Variants in TMEM178B observed in about 807,000 individuals in gnomAD.
TMEM178B encodes transmembrane protein 178B.
In TMEM178B, 5 loss-of-function variants were observed where a neutral mutation model predicts 31.0. That is an observed-to-expected ratio of 0.16 (90% CI 0.08 to 0.34). The LOEUF is 0.34. TMEM178B is among the 10% of genes least tolerant of loss of function. The pLI is 1.00. For synonymous variants in TMEM178B, 164 were observed against 164.0 expected (o/e 1.00, Z 0.00); for missense variants, 275 against 400.3 (o/e 0.69, Z 2.67).
chr7:141,296,316 C>T (rs1798632607), intron 2 of TMEM178B, among the ~76,000 whole-genome samples: 1 of 152,178 alleles, frequency 6.6e-6, no homozygotes, highest in South Asian at 2.1e-4. Context: ...GATCCACCTG[C>T]CTCAGCCTCC....
intron 1 of TMEM178B, among the ~76,000 whole-genome samples, chr7:141,164,908 G>T (rs1223589610): frequency 6.6e-6 from 1 of 152,112 alleles, no homozygotes; most frequent in Admixed American, 6.5e-5. Context: ...TGGGGTTCCA[G>T]CATCACCATC....
chr7:141,106,531 C>T (rs1013474288), intron 1 of TMEM178B, among the ~76,000 whole-genome samples: 7 of 152,130 alleles, frequency 4.6e-5, no homozygotes, highest in Admixed American at 6.5e-5. Context: ...AGTAGGTTGA[C>T]GGGTTGTGAG....
chr7:141,369,765 G>A (rs879766694), intron 2 of TMEM178B, among the ~76,000 whole-genome samples: 6 of 152,218 alleles, frequency 3.9e-5, no homozygotes, highest in Non-Finnish European at 7.3e-5. Flanking sequence ...CCCTGGAGCC[G>A]GGATTACTTC....
At chr7:141,187,786 GTTGT>G (rs1311331158) in intron 1 of TMEM178B, among the ~76,000 whole-genome samples, 47 of 152,254 alleles carry the variant, frequency 3.1e-4, no homozygotes, top group Admixed American at 1.6e-3. Context: ...TTTTGATGGG[GTTGT>G]TTGTTTTTTT....
intron 2 of TMEM178B, among the ~76,000 whole-genome samples, chr7:141,362,138 A>G (rs1799927503): frequency 6.6e-6 from 1 of 152,206 alleles, no homozygotes; most frequent in Non-Finnish European, 1.5e-5. Context: ...CATGGCAGAG[A>G]ATTCTGGAGG....
chr7:141,172,050 C>T (rs1366236449), intron 1 of TMEM178B, among the ~76,000 whole-genome samples: 1 of 152,178 alleles, frequency 6.6e-6, no homozygotes, highest in African/African-American at 2.4e-5. Flanking sequence ...GTATTCCTTT[C>T]ACGGATGCTG....
chr7:141,354,739 T>C (rs544551823), intron 2 of TMEM178B, among the ~76,000 whole-genome samples: 1 of 152,292 alleles, frequency 6.6e-6, no homozygotes, highest in South Asian at 2.1e-4. Context: ...TTCCTATTTG[T>C]TCACTCCCTT....
intron 2 of TMEM178B, among the ~76,000 whole-genome samples, chr7:141,432,530 G>A (rs1156717989): frequency 6.6e-6 from 1 of 152,070 alleles, no homozygotes; most frequent in Non-Finnish European, 1.5e-5. Context: ...GAACATGGCA[G>A]GACTATTAAT....
chr7:141,124,006 C>T (rs568999445), intron 1 of TMEM178B, among the ~76,000 whole-genome samples: 26 of 152,234 alleles, frequency 1.7e-4, no homozygotes, highest in African/African-American at 3.6e-4. Context: ...CTGCCCTCAT[C>T]GGCCTCCCAA....
intron 2 of TMEM178B, among the ~76,000 whole-genome samples, chr7:141,341,754 G>GAA (rs75639509): frequency 6.8e-6 from 1 of 146,712 alleles, no homozygotes; most frequent in East Asian, 2.0e-4. Context: ...CTTTTAACTA[G>GAA]AAAAAAAAAA....
At chr7:141,407,220 C>T (rs906228129) in intron 2 of TMEM178B, among the ~76,000 whole-genome samples, 8 of 152,190 alleles carry the variant, frequency 5.3e-5, no homozygotes, top group South Asian at 2.1e-4. Context: ...GAGCTGTTGA[C>T]GCTCTGTGCT....
At chr7:141,507,639 G>A in the TMEM178B span, among the ~76,000 whole-genome samples, 1 of 152,330 alleles carries the variant, frequency 6.6e-6, no homozygotes, top group South Asian at 2.1e-4. Flanking sequence ...CCAAAGTGCT[G>A]GGATTACAGG....
intron 2 of TMEM178B, among the ~76,000 whole-genome samples, chr7:141,272,884 A>G (rs1279731492): frequency 6.6e-6 from 1 of 152,208 alleles, no homozygotes; most frequent in Non-Finnish European, 1.5e-5. Flanking sequence ...TATCTAAAGG[A>G]ACTGAAATTA....
At chr7:141,144,781 G>A (rs963634418) in intron 1 of TMEM178B, among the ~76,000 whole-genome samples, 3 of 152,132 alleles carry the variant, frequency 2.0e-5, no homozygotes, top group Admixed American at 1.3e-4. Context: ...AGTTCAAGGT[G>A]GGAGCAAGAG....
At chr7:141,166,683 C>T (rs1460382943) in intron 1 of TMEM178B, among the ~76,000 whole-genome samples, 2 of 152,218 alleles carry the variant, frequency 1.3e-5, no homozygotes, top group Admixed American at 1.3e-4. Context: ...GTATCAGGTG[C>T]TCCTTTTTAG....
intron 1 of TMEM178B, among the ~76,000 whole-genome samples, chr7:141,205,024 C>T (rs1360053623): frequency 6.6e-6 from 1 of 152,060 alleles, no homozygotes. Context: ...CGGGGTCTCA[C>T]TCTATTGCCC....
chr7:141,388,340 G>A (rs1266185039), intron 2 of TMEM178B, among the ~76,000 whole-genome samples: 2 of 152,158 alleles, frequency 1.3e-5, no homozygotes, highest in Non-Finnish European at 2.9e-5. Flanking sequence ...GCATGTGCAC[G>A]CTTTCTACTC....
chr7:141,100,713 G>A (rs1262329492), intron 1 of TMEM178B, among the ~76,000 whole-genome samples: 1 of 152,086 alleles, frequency 6.6e-6, no homozygotes, highest in Non-Finnish European at 1.5e-5. Context: ...ATTGCACACA[G>A]GTACATGTAT....
chr7:141,168,972 T>A (rs1796303869), intron 1 of TMEM178B, among the ~76,000 whole-genome samples: 4 of 152,230 alleles, frequency 2.6e-5, no homozygotes, highest in Admixed American at 2.6e-4. Context: ...CTCATTTCTT[T>A]GTGTTGGAAA....
Sources: gnomAD v4.1 joint callset for allele counts (sites outside exome capture counted in the v4.1 genomes callset) on GRCh38, gnomAD v4.1.1 for gene constraint, MANE v1.5 for transcripts, NCBI Gene and HGNC (gene_info 2026-07-23, HGNC 2026-07-21) for gene names.